Variants in ZFHX3 observed in about 807,000 individuals in gnomAD.
The protein encoded by ZFHX3 is zinc finger homeobox 3, also known as zinc finger homeobox protein 3.
Under a neutral mutation model 279.1 loss-of-function variants are expected in ZFHX3, and 42 were observed. The observed-to-expected ratio is 0.15, with a 90% CI of 0.12 to 0.19. The LOEUF (loss-of-function observed/expected upper bound fraction) is 0.19. ZFHX3 is among the 10% of genes least tolerant of loss of function. The pLI, the probability that ZFHX3 is intolerant of heterozygous loss-of-function variation, is 1.00. For missense variants in ZFHX3, 4,981 were observed against 4,754.0 expected (o/e 1.05, Z -1.40); for synonymous variants, 2,293 against 1,957.8 (o/e 1.17, Z -4.52).
At chr16:73,503,990 G>T (rs28479365) in intron 2 of ZFHX3, among the ~76,000 whole-genome samples, 1 of 152,136 alleles carries the variant, frequency 6.6e-6, no homozygotes, top group Admixed American at 6.5e-5. Flanking sequence ...AACAACAAAA[G>T]GTGGAAAAGG....
intron 4 of ZFHX3, among the ~76,000 whole-genome samples, chr16:73,305,025 CCCCCTT>C (rs2015147719): frequency 6.6e-6 from 1 of 152,022 alleles, no homozygotes; most frequent in Non-Finnish European, 1.5e-5. Flanking sequence ...GATCTCTTTA[CCCCCTT>C]GCCCCAGCAG....
At chr16:73,482,585 T>A in intron 2 of ZFHX3, among the ~76,000 whole-genome samples, 1 of 152,148 alleles carries the variant, frequency 6.6e-6, no homozygotes, top group African/African-American at 2.4e-5. Flanking sequence ...CACTAATTAG[T>A]AATGCAATCC....
intron 2 of ZFHX3, among the ~76,000 whole-genome samples, chr16:73,668,892 T>C (rs1436659858): frequency 6.6e-6 from 1 of 152,126 alleles, no homozygotes; most frequent in Admixed American, 6.6e-5. Flanking sequence ...TATTAAAAAG[T>C]CAGGAAACAA....
intron 4 of ZFHX3, among the ~76,000 whole-genome samples, chr16:73,316,627 A>G (rs1414282025): frequency 6.6e-6 from 1 of 152,152 alleles, no homozygotes; most frequent in Non-Finnish European, 1.5e-5. Flanking sequence ...ATCTCGTCTT[A>G]TACTTGTTGG....
chr16:73,707,507 G>T (rs970190861), intron 1 of ZFHX3, among the ~76,000 whole-genome samples: 1 of 145,588 alleles, frequency 6.9e-6, no homozygotes, highest in African/African-American at 2.6e-5. Flanking sequence ...ACCAAGCACC[G>T]CATGTTCTCA....
chr16:73,168,198 A>G (rs1217988968), intron 5 of ZFHX3, among the ~76,000 whole-genome samples: 1 of 129,304 alleles, frequency 7.7e-6, no homozygotes, highest in African/African-American at 2.9e-5. Context: ...TTTTAACACT[A>G]TAGTTTCTTT....
intron 1 of ZFHX3, chr16:73,796,469 C>T (rs561052696): frequency 6.6e-6 from 1 of 152,346 alleles, no homozygotes; most frequent in African/African-American, 2.4e-5. Flanking sequence ...GAGAGACCAA[C>T]TGCAGCTTTG....
chr16:72,893,755 C>T (rs891384153), intron 3 of ZFHX3, among the ~76,000 whole-genome samples: 2 of 152,168 alleles, frequency 1.3e-5, no homozygotes, highest in African/African-American at 2.4e-5. Flanking sequence ...TAACCTGGTC[C>T]AGTGAACACC....
chr16:73,048,611 T>C (rs943315112), upstream of ZFHX3, among the ~76,000 whole-genome samples: 9 of 152,192 alleles, frequency 5.9e-5, no homozygotes, highest in Admixed American at 4.6e-4. Context: ...CCTCGGCCAC[T>C]AAAAGGAGCC....
intron 4 of ZFHX3, among the ~76,000 whole-genome samples, chr16:73,311,174 A>T (rs1220444671): frequency 1.3e-5 from 2 of 152,164 alleles, no homozygotes; most frequent in Non-Finnish European, 2.9e-5. Context: ...CAGAGGTTGC[A>T]GAGAGCCAAG....
intron 2 of ZFHX3, among the ~76,000 whole-genome samples, chr16:73,497,507 A>G (rs569711255): frequency 6.6e-6 from 1 of 152,216 alleles, no homozygotes; most frequent in Admixed American, 6.5e-5. Flanking sequence ...AATCTCTACA[A>G]AAAATTTTAA....
chr16:72,881,833 T>C (rs2038481950), intron 4 of ZFHX3, among the ~76,000 whole-genome samples: 1 of 152,120 alleles, frequency 6.6e-6, no homozygotes, highest in African/African-American at 2.4e-5. Context: ...CACCCCCAAC[T>C]CCCAGCCCAG....
chr16:72,882,974 TGG>T (rs772424116), intron 4 of ZFHX3, among the ~76,000 whole-genome samples: 4 of 118,384 alleles, frequency 3.4e-5, no homozygotes, highest in East Asian at 2.7e-4. Context: ...CACACCACTC[TGG>T]GGTGTGTGTG....
intron 1 of ZFHX3, among the ~76,000 whole-genome samples, chr16:73,860,824 A>G (rs572316221): frequency 2.5e-4 from 38 of 152,134 alleles, no homozygotes; most frequent in Middle Eastern, 3.4e-3. Flanking sequence ...AGCCTCAACA[A>G]CAAGTGTCAG....
chr16:73,586,624 T>C (rs1300387847), intron 2 of ZFHX3, among the ~76,000 whole-genome samples: 1 of 152,096 alleles, frequency 6.6e-6, no homozygotes, highest in Non-Finnish European at 1.5e-5. Context: ...GCCTCATATA[T>C]ATAAAATAAA....
At chr16:72,930,069 T>C (rs1038541829) in intron 3 of ZFHX3, among the ~76,000 whole-genome samples, 5 of 152,014 alleles carry the variant, frequency 3.3e-5, no homozygotes, top group Non-Finnish European at 5.9e-5. Context: ...ATTACAAAAA[T>C]TAGCCAGGCG....
intron 1 of ZFHX3, among the ~76,000 whole-genome samples, chr16:73,020,766 G>A (rs1315931024): frequency 1.3e-5 from 2 of 152,194 alleles, no homozygotes; most frequent in East Asian, 1.9e-4. Context: ...CACGGGCATG[G>A]TTGTTGGACC....
chr16:73,400,611 G>C (rs1336222147), intron 3 of ZFHX3: 1 of 152,154 alleles, frequency 6.6e-6, no homozygotes, highest in Non-Finnish European at 1.5e-5. Flanking sequence ...ATGCAAGATG[G>C]AATGGGACTC....
At chr16:73,458,421 G>C (rs911281942) in intron 2 of ZFHX3, among the ~76,000 whole-genome samples, 1 of 146,360 alleles carries the variant, frequency 6.8e-6, no homozygotes, top group African/African-American at 2.5e-5. Context: ...AATTGCCCAG[G>C]CTGGAGGGCA....
Sources: allele counts gnomAD v4.1 joint callset (sites outside exome capture counted in the v4.1 genomes callset), GRCh38; gene constraint gnomAD v4.1.1; transcripts MANE v1.5; gene names NCBI Gene and HGNC (gene_info 2026-07-23, HGNC 2026-07-21).